Variants in PCDHA2 observed in about 807,000 individuals in gnomAD.
PCDHA2 encodes the protein protocadherin alpha-2.
PCDHA2 carries 58 observed loss-of-function variants against 66.0 expected under a neutral mutation model. The observed-to-expected ratio is 0.88, with a 90% confidence interval of 0.71 to 1.09. The LOEUF is 1.09. PCDHA2 is among the 50% of genes least tolerant of loss of function. The pLI is 0.00. For synonymous variants in PCDHA2, 634 were observed against 554.0 expected, an observed-to-expected ratio of 1.14 and a Z score of -2.03; for missense variants, 1,267 against 1,242.3, an observed-to-expected ratio of 1.02 and a Z score of -0.30.
rs1762211878 is a variant in PCDHA2, at chr5:140,797,325, G to C, written c.2361G>C (p.Gln787His). 3.1e-6 allele frequency: 5 copies of C among 1,614,176 alleles called. No individual in the cohort carries two copies. Among genetic ancestry groups the C allele is most frequent in the Non-Finnish European group, 4.2e-6 (5 of 1,180,026 alleles). The change falls in exon 1 of 4, where the codon CAG (glutamine) becomes CAC (histidine). Residue 787 changes from glutamine to histidine, a missense_variant. By Grantham distance (24) the Gln-to-His change is conservative. Coordinates refer to ENST00000526136, the MANE Select transcript of PCDHA2 (RefSeq NM_018905.3). ...SQGPDSAEEKQLSESEYVGKP... is the reference protein window; with the variant it reads ...SQGPDSAEEKHLSESEYVGKP... ...GTCCAGACTCCGCAGAAGAGAAACA[G>C]CTCTCAGAATCAGAATACGTAGGAA...
At position 140,934,119 on chromosome 5, in the gene PCDHA2, C is replaced by A. The variant is rs1339301991; in HGVS notation, c.2389-44830C>A. Among the ~76,000 whole-genome samples, 6 of 152,170 alleles carry A rather than the reference C, an allele frequency of 3.9e-5. No individual in the cohort carries two copies. In the East Asian group the frequency reaches 1.2e-3, roughly 29 times the overall value. ...GCTTTCTATTTTATTAATTTTCATA[C>A]TTTATTAATTTATTTCCTTCCTTAT... On this transcript the variant is annotated intron_variant, in intron 1 of 3. Transcript: ENST00000526136.
chr5:140,841,155 C>T (rs1777049079), intron 1 of PCDHA2: 1 of 842,000 alleles, frequency 1.2e-6, no homozygotes, highest in South Asian at 1.9e-5. Context: ...TCGCTGTCTA[C>T]CAAGAAGTTC....
chr5:140,927,601 G>C lies in PCDHA2; in HGVS notation c.2389-51348G>C, dbSNP rs1490799029. 27 of 1,614,082 alleles carry C rather than the reference G, an allele frequency of 1.7e-5. No individual in the cohort carries two copies. Among genetic ancestry groups the C allele is most frequent in the Non-Finnish European group, 2.3e-5 (27 of 1,180,040 alleles). Reference sequence around the variant, plus strand: ...CAACGCGCCTGTATTTGAGCGCTCCGTATACCGCACCAAGGTTCCAGAGAC... The same window carrying C: ...CAACGCGCCTGTATTTGAGCGCTCCCTATACCGCACCAAGGTTCCAGAGAC... On this transcript the variant is annotated intron_variant, in intron 1 of 3. Transcript: ENST00000526136.
intron 1 of PCDHA2, chr5:140,801,268 C>T: frequency 6.2e-7 from 1 of 1,613,724 alleles, no homozygotes. Context: ...CTCGCAGCCT[C>T]GGAGGTGGGG....
rs143772295 is a variant in PCDHA2 at position 140,836,248 on chromosome 5, T to C, written c.2388+38896T>C. On this transcript the variant is annotated intron_variant, in intron 1 of 3. Coordinates refer to ENST00000526136, the MANE Select transcript of PCDHA2 (RefSeq NM_018905.3). Reference sequence around the variant, plus strand: ...GTGGCGGCCGGTGCGAGCATCCCGTTCCGCGTGGGGCTGTACACTGGTGAG... The same window carrying C: ...GTGGCGGCCGGTGCGAGCATCCCGTCCCGCGTGGGGCTGTACACTGGTGAG... 1,441 of 1,613,590 alleles carry C rather than the reference T, an allele frequency of 8.9e-4. 19 individuals are homozygous for C. The highest frequency in any genetic ancestry group is 1.2e-3 in the Non-Finnish European group (1,359 of 1,179,786).
chr5:140,884,935 A>G lies in PCDHA2; in HGVS notation c.2388+87583A>G, dbSNP rs577267570. ...AATAGTTCTAAGTATTTATCTTGCA[A>G]TTGAGCATTTACAAAAAATTCCTCA... On this transcript the variant is annotated intron_variant, in intron 1 of 3. Coordinates refer to ENST00000526136, the MANE Select transcript of PCDHA2 (RefSeq NM_018905.3). Among the ~76,000 whole-genome samples, 4 of 152,344 alleles carry G rather than the reference A, an allele frequency of 2.6e-5. No homozygotes were observed. In the East Asian group the frequency reaches 5.8e-4, roughly 22 times the overall value.
chr5:140,845,214 TA>T (rs1253125305), intron 1 of PCDHA2, among the ~76,000 whole-genome samples: 2 of 149,518 alleles, frequency 1.3e-5, no homozygotes, highest in South Asian at 2.1e-4. Flanking sequence ...TAAGTCCTTT[TA>T]AAAAATATGA....
At chr5:140,871,003 C>G (rs782654281) in intron 1 of PCDHA2, 3 of 1,613,416 alleles carry the variant, frequency 1.9e-6, no homozygotes, top group Non-Finnish European at 2.5e-6. Flanking sequence ...AAGCACAACG[C>G]GTGCCCTGGA....
At chr5:140,834,478 A>T in intron 1 of PCDHA2, 1 of 1,614,162 alleles carries the variant, frequency 6.2e-7, no homozygotes. Context: ...GGCCAGCTCC[A>T]CTACTCGGTC....
intron 1 of PCDHA2, chr5:140,884,293 GC>G: frequency 6.2e-7 from 1 of 1,613,666 alleles, no homozygotes; most frequent in Non-Finnish European, 8.5e-7. Flanking sequence ...GCGGCCAAGC[GC>G]CACAGGCTTC....
rs539900578 is a variant in PCDHA2, at chr5:140,868,861, T to C, written c.2388+71509T>C. Reference sequence around the variant, plus strand: ...ACACGTGAAATTCTGTGGTGGTAAATGCAGTGCACAGTACTCACAGTTTTA... The same window carrying C: ...ACACGTGAAATTCTGTGGTGGTAAACGCAGTGCACAGTACTCACAGTTTTA... On this transcript the variant is annotated intron_variant, in intron 1 of 3. Coordinates refer to ENST00000526136, the MANE Select transcript of PCDHA2 (RefSeq NM_018905.3). 7 of 525,402 alleles carry C rather than the reference T, an allele frequency of 1.3e-5. No homozygotes were observed. In the Admixed American group the frequency reaches 2.2e-4, roughly 17 times the overall value. 32.5% of individuals were successfully genotyped at this position (525,402 alleles called of 1,614,324 possible). A position where few individuals can be genotyped will look rare whatever the true frequency, so the allele number is the denominator to read the frequency against.
At chr5:140,835,950 T>C (rs2150248935) in intron 1 of PCDHA2, 44 of 1,612,684 alleles carry the variant, frequency 2.7e-5, no homozygotes, top group Middle Eastern at 3.6e-4. Context: ...GCTGCAGCCG[T>C]TGGACCACGA....
chr5:140,808,824 G>A lies in PCDHA2; in HGVS notation c.2388+11472G>A, dbSNP rs142005186. On this transcript the variant is annotated intron_variant, in intron 1 of 3. Coordinates refer to ENST00000526136, the MANE Select transcript of PCDHA2 (RefSeq NM_018905.3). Reference sequence around the variant, plus strand: ...CGCGATGCCGGCGTGCCACCTCTGGGCAGCAACGTGACGCTGCAGGTGTTC... The same window carrying A: ...CGCGATGCCGGCGTGCCACCTCTGGACAGCAACGTGACGCTGCAGGTGTTC... 43 of 1,612,884 alleles carry A rather than the reference G, an allele frequency of 2.7e-5. No homozygotes were observed. In the African/African-American group the frequency reaches 5.2e-4, roughly 19 times the overall value.
At chr5:140,802,574 G>A (rs1413147037) in intron 1 of PCDHA2, 7 of 1,614,056 alleles carry the variant, frequency 4.3e-6, no homozygotes, top group Non-Finnish European at 5.9e-6. Flanking sequence ...CGCAGTCCGA[G>A]TACACGGTGT....
chr5:140,822,971 C>T, intron 1 of PCDHA2: 1 of 1,614,236 alleles, frequency 6.2e-7, no homozygotes. Context: ...CTGGTGTCCA[C>T]CTTCAAGAAT....
chr5:140,855,813 T>A (rs2043631842), intron 1 of PCDHA2: 2 of 511,660 alleles, frequency 3.9e-6, no homozygotes. Flanking sequence ...AAAGAAAAGT[T>A]GTGAACTCAT....
intron 1 of PCDHA2, chr5:140,882,360 T>A: frequency 6.2e-7 from 1 of 1,614,134 alleles, no homozygotes. Context: ...AGTGGCCAGC[T>A]CCACTACTCC....
chr5:140,929,352 C>T (rs782815841), intron 1 of PCDHA2: 8 of 1,526,758 alleles, frequency 5.2e-6, no homozygotes, highest in Admixed American at 2.1e-5. Flanking sequence ...GAATTTGATT[C>T]CTTTGGCCCG....
chr5:140,868,967 AC>A, intron 1 of PCDHA2: 1 of 1,435,870 alleles, frequency 7.0e-7, no homozygotes, highest in African/African-American at 1.4e-5. Context: ...ATACAAAGGA[AC>A]TCCATCATAC....
Sources: gnomAD v4.1 joint callset for allele counts (sites outside exome capture counted in the v4.1 genomes callset) on GRCh38, gnomAD v4.1.1 for gene constraint, MANE v1.5 for transcripts, NCBI Gene and HGNC (gene_info 2026-07-23, HGNC 2026-07-21) for gene names.